The following SPAG9 variants were observed in gnomAD, a reference collection of about 807,000 sequenced individuals.
The protein encoded by SPAG9 is C-Jun-amino-terminal kinase-interacting protein 4.
SPAG9 carries 35 observed loss-of-function variants against 166.5 expected under a neutral mutation model. That is an observed-to-expected ratio of 0.21 (90% CI 0.16 to 0.28). SPAG9 has a LOEUF of 0.28. SPAG9 is among the 10% of genes least tolerant of loss of function. SPAG9 has a pLI of 1.00. For missense variants in SPAG9, 1,235 were observed against 1,603.3 expected, an observed-to-expected ratio of 0.77 and a Z score of 3.92; for synonymous variants, 534 against 565.5, an observed-to-expected ratio of 0.94 and a Z score of 0.79.
At chr17:51,097,032 G>A (rs1030579125) in intron 1 of SPAG9, among the ~76,000 whole-genome samples, 7 of 152,226 alleles carry the variant, frequency 4.6e-5, no homozygotes, top group East Asian at 3.8e-4. Context: ...CAACCTCCCA[G>A]GAGGGGAAAG....
At chr17:50,985,067 A>G (rs2143764518) in intron 23 of SPAG9, 77 bp from the exon 24 acceptor site, 2 of 1,304,736 alleles carry the variant, frequency 1.5e-6, no homozygotes, top group Non-Finnish European at 2.2e-6. Flanking sequence ...AACTAGTTCA[A>G]GGCCTCACAA....
chr17:51,061,882 T>C (rs1383514046), intron 2 of SPAG9, among the ~76,000 whole-genome samples: 1 of 152,178 alleles, frequency 6.6e-6, no homozygotes, highest in Non-Finnish European at 1.5e-5. Flanking sequence ...TACTTCCATT[T>C]GGCAACACAG....
intron 21 of SPAG9, among the ~76,000 whole-genome samples, chr17:50,989,231 T>G (rs752455737): frequency 6.6e-6 from 1 of 152,198 alleles, no homozygotes; most frequent in Admixed American, 6.5e-5. Flanking sequence ...TACTTACCGT[T>G]ATGTTCCAAT....
intron 1 of SPAG9, among the ~76,000 whole-genome samples, chr17:51,096,480 A>C (rs2048652370): frequency 6.6e-6 from 1 of 152,208 alleles, no homozygotes; most frequent in East Asian, 1.9e-4. Flanking sequence ...CTTTTATACT[A>C]CTGATAGGAA....
At position 51,118,287 on chromosome 17, in the gene SPAG9, A is replaced by T. The variant is rs73988528; in HGVS notation, c.303+2067T>A. Among the ~76,000 whole-genome samples, 556 of 152,334 alleles carry T rather than the reference A, an allele frequency of 3.6e-3. 3 individuals are homozygous for T. The highest frequency in any genetic ancestry group is 0.013 in the African/African-American group (541 of 41,580). On this transcript the variant is annotated intron_variant, in intron 1 of 29. Coordinates refer to ENST00000262013, the MANE Select transcript of SPAG9 (RefSeq NM_001130528.3). Reference sequence around the variant, plus strand: ...TCACTATGGAGAATTTACAGATGTAACTGAAAAAATATAAACTACAAATAA... The same window carrying T: ...TCACTATGGAGAATTTACAGATGTATCTGAAAAAATATAAACTACAAATAA...
rs532502410 is a variant in SPAG9 at position 51,058,319 on chromosome 17, T to C, written c.425-1837A>G. On this transcript the variant is annotated intron_variant, in intron 2 of 29. Coordinates refer to ENST00000262013, the MANE Select transcript of SPAG9 (RefSeq NM_001130528.3). ...GTACCATACAGTCCTAAGAACTGCATATAAACTAACTTATTTGAGCCTAAC... is the reference window on the plus strand; with the variant it reads ...GTACCATACAGTCCTAAGAACTGCACATAAACTAACTTATTTGAGCCTAAC... Among the ~76,000 whole-genome samples, 8 of 152,314 alleles carry C rather than the reference T, an allele frequency of 5.3e-5. No homozygotes were observed. The South Asian group carries it at 1.7e-3, about 32-fold the overall frequency.
At chr17:50,986,712 A>G (rs1372901261) in intron 22 of SPAG9, among the ~76,000 whole-genome samples, 1 of 152,236 alleles carries the variant, frequency 6.6e-6, no homozygotes, top group Non-Finnish European at 1.5e-5. Context: ...AAAATTCACT[A>G]AAAGTTGGGA....
At chr17:51,079,230 C>T (rs1598142963) in intron 2 of SPAG9, among the ~76,000 whole-genome samples, 1 of 149,662 alleles carries the variant, frequency 6.7e-6, no homozygotes, top group Non-Finnish European at 1.5e-5. Flanking sequence ...AGAGCCAATT[C>T]CTTTTTTTTT....
Position 50,996,830 on chromosome 17 carries a change from T to C in SPAG9, c.1839-136A>G, listed in dbSNP as rs2044703482. ...ATTTCAAATTAGTTTATTTCAACTATAACAGCTCCTTAAAAAGTGTTATAA... is the reference window on the plus strand; with the variant it reads ...ATTTCAAATTAGTTTATTTCAACTACAACAGCTCCTTAAAAAGTGTTATAA... On this transcript the variant is annotated intron_variant, in intron 15 of 29. Coordinates refer to ENST00000262013, the MANE Select transcript of SPAG9 (RefSeq NM_001130528.3). 5 of 839,574 alleles carry C rather than the reference T, an allele frequency of 6.0e-6. No individual in the cohort carries two copies. The South Asian group carries it at 7.0e-5, about 12-fold the overall frequency. The allele number at this position is 839,574 out of a possible 1,614,324, so 52.0% of individuals were successfully genotyped here. A position where few individuals can be genotyped will look rare whatever the true frequency, so the allele number is the denominator to read the frequency against.
At chr17:50,996,170 A>G (rs3786004) in intron 16 of SPAG9, 54,952 of 180,700 alleles carry the variant, frequency 0.3, 8,575 homozygotes, top group Admixed American at 0.36. Context: ...GACAGATAAA[A>G]TTCCTGAAGA....
chr17:50,988,441 AC>A (rs754920942), intron 21 of SPAG9, among the ~76,000 whole-genome samples: 1 of 152,156 alleles, frequency 6.6e-6, no homozygotes, highest in African/African-American at 2.4e-5. Context: ...GTTTAAAGAG[AC>A]TCTCATCTAG....
intron 1 of SPAG9, among the ~76,000 whole-genome samples, chr17:51,089,306 C>A (rs1221256240): frequency 6.6e-6 from 1 of 151,450 alleles, no homozygotes; most frequent in Non-Finnish European, 1.5e-5. Flanking sequence ...CACCTGTAAT[C>A]CCAGCTACTT....
intron 1 of SPAG9, among the ~76,000 whole-genome samples, chr17:51,099,759 TAAAAAAAAA>T (rs58721041): frequency 2.1e-4 from 9 of 43,652 alleles, no homozygotes; most frequent in Non-Finnish European, 4.3e-4. Context: ...CTTCTATTAC[TAAAAAAAAA>T]AAAAAAAAAA....
intron 2 of SPAG9, among the ~76,000 whole-genome samples, chr17:51,077,380 C>A (rs1246838203): frequency 1.3e-5 from 2 of 152,012 alleles, no homozygotes; most frequent in Admixed American, 1.3e-4. Flanking sequence ...CCTCGACCTC[C>A]CAAAGTGCTG....
chr17:51,113,814 T>C (rs2049199223), intron 1 of SPAG9, among the ~76,000 whole-genome samples: 2 of 151,440 alleles, frequency 1.3e-5, no homozygotes, highest in South Asian at 4.2e-4. Context: ...CTGGGCAACA[T>C]GGGAAACCCA....
intron 29 of SPAG9, among the ~76,000 whole-genome samples, chr17:50,968,186 T>G (rs888770756): frequency 1.3e-5 from 2 of 152,224 alleles, no homozygotes; most frequent in African/African-American, 4.8e-5. Context: ...TTTCTAAAGT[T>G]CACACTAACA....
At chr17:51,076,985 T>TCTAGCTATCTAGCTAGCTAGCTAGCTAG (rs2047990081) in intron 2 of SPAG9, among the ~76,000 whole-genome samples, 1 of 101,646 alleles carries the variant, frequency 9.8e-6, no homozygotes, top group East Asian at 2.4e-4. Flanking sequence ...ATCTATCTTA[T>TCTAGCTATCTAGCTAGCTAGCTAGCTAG]CTAGCTATCT....
At chr17:51,037,520 GGA>G (rs1423583687) in intron 5 of SPAG9, among the ~76,000 whole-genome samples, 1 of 150,822 alleles carries the variant, frequency 6.6e-6, no homozygotes, top group Non-Finnish European at 1.5e-5. Context: ...GGCTGAGGCA[GGA>G]GAATCACTTG....
intron 2 of SPAG9, among the ~76,000 whole-genome samples, chr17:51,077,001 T>TCTAGCTATCTAGCTATCTAG (rs2047995328): frequency 5.5e-5 from 5 of 90,658 alleles, no homozygotes; most frequent in Admixed American, 1.1e-4. Flanking sequence ...TATCTAGCTA[T>TCTAGCTATCTAGCTATCTAG]CTAGCTAGCT....
Sources: gnomAD v4.1 joint callset for allele counts (sites outside exome capture counted in the v4.1 genomes callset) on GRCh38, gnomAD v4.1.1 for gene constraint, MANE v1.5 for transcripts, NCBI Gene and HGNC (gene_info 2026-07-23, HGNC 2026-07-21) for gene names.